Variants in DACH1 observed in about 807,000 individuals in gnomAD.
DACH1 encodes dachshund homolog 1.
DACH1 carries 12 observed loss-of-function variants against 54.2 expected under a neutral mutation model. The observed-to-expected ratio is 0.22, with a 90% confidence interval of 0.14 to 0.36. DACH1 has a LOEUF of 0.36. Ranked by LOEUF, DACH1 falls within the 10% of genes least tolerant of loss-of-function variation. The pLI, the probability that DACH1 is intolerant of heterozygous loss-of-function variation, is 1.00. For missense variants in DACH1, 805 were observed against 929.8 expected, an observed-to-expected ratio of 0.87 and a Z score of 1.75; for synonymous variants, 386 against 366.2, an observed-to-expected ratio of 1.05 and a Z score of -0.62.
intron 1 of DACH1, among the ~76,000 whole-genome samples, chr13:71,802,343 G>T (rs1887319982): frequency 1.3e-5 from 2 of 151,944 alleles, no homozygotes; most frequent in Admixed American, 1.3e-4. Context: ...GTGGCTAACT[G>T]GGTTTGTGAA....
chr13:71,478,381 T>C lies in DACH1; in HGVS notation c.1870+788A>G, dbSNP rs938610137. On this transcript the variant is annotated intron_variant, in intron 8 of 10. Coordinates refer to ENST00000613252, the MANE Select transcript of DACH1 (RefSeq NM_080759.6). ...AGTTTAAAGACAAAATAGAAACAAC[T>C]ATTTTTAAATGACCATTTCAAACAT... Among the ~76,000 whole-genome samples, 4 of 152,222 alleles carry C rather than the reference T, an allele frequency of 2.6e-5. No individual in the cohort carries two copies. The East Asian group carries it at 7.7e-4, about 29-fold the overall frequency.
intron 1 of DACH1, among the ~76,000 whole-genome samples, chr13:71,863,702 G>A (rs565073320): frequency 4.9e-4 from 74 of 151,924 alleles, no homozygotes; most frequent in African/African-American, 1.7e-3. Context: ...CAAAAATTCA[G>A]GGAATAAATC....
chr13:71,727,301 T>A (rs1413744349), intron 1 of DACH1, among the ~76,000 whole-genome samples: 5 of 152,004 alleles, frequency 3.3e-5, no homozygotes, highest in African/African-American at 1.2e-4. Context: ...CTGCCAACAT[T>A]TGAAATGAGG....
At chr13:71,591,121 C>A (rs1054983325) in intron 3 of DACH1, among the ~76,000 whole-genome samples, 2 of 151,938 alleles carry the variant, frequency 1.3e-5, no homozygotes, top group Non-Finnish European at 2.9e-5. Flanking sequence ...TCAAGTGATC[C>A]ACCTGCCTTA....
intron 6 of DACH1, among the ~76,000 whole-genome samples, chr13:71,517,631 A>T (rs896198666): frequency 6.6e-6 from 1 of 151,976 alleles, no homozygotes; most frequent in Non-Finnish European, 1.5e-5. Context: ...GGAAATAAGT[A>T]GTCCAATGTT....
chr13:71,792,479 G>T (rs867435668), intron 1 of DACH1, among the ~76,000 whole-genome samples: 8 of 151,912 alleles, frequency 5.3e-5, no homozygotes, highest in Non-Finnish European at 1.2e-4. Context: ...CAAAGTCAAA[G>T]GATACTTTTA....
intron 1 of DACH1, among the ~76,000 whole-genome samples, chr13:71,687,664 G>A (rs750384598): frequency 5.9e-5 from 9 of 152,052 alleles, no homozygotes; most frequent in Admixed American, 2.0e-4. Context: ...TTGGAGTGCC[G>A]TGATGTGATC....
chr13:71,484,168 G>A (rs530662864), intron 7 of DACH1, among the ~76,000 whole-genome samples: 2 of 148,630 alleles, frequency 1.3e-5, no homozygotes, highest in South Asian at 4.5e-4. Flanking sequence ...TCTTGTGTGT[G>A]TATGTGTTTT....
chr13:71,485,068 A>G (rs907109425), intron 7 of DACH1, among the ~76,000 whole-genome samples: 1 of 152,038 alleles, frequency 6.6e-6, no homozygotes, highest in African/African-American at 2.4e-5. Flanking sequence ...ATTTAAAAAA[A>G]AAAAAAGAAA....
chr13:71,659,613 T>A (rs940060555), intron 2 of DACH1, among the ~76,000 whole-genome samples: 1 of 152,126 alleles, frequency 6.6e-6, no homozygotes, highest in African/African-American at 2.4e-5. Context: ...GTTATAAAAA[T>A]CTTAAACCTG....
chr13:71,644,832 G>A (rs1376820014), intron 2 of DACH1, among the ~76,000 whole-genome samples: 1 of 152,160 alleles, frequency 6.6e-6, no homozygotes, highest in Non-Finnish European at 1.5e-5. Context: ...ACTAAGAAGT[G>A]CACTCTGCAC....
chr13:71,657,478 GTGACAGACTGAGACCC>G (rs1189194861), intron 2 of DACH1, among the ~76,000 whole-genome samples: 1 of 151,106 alleles, frequency 6.6e-6, no homozygotes, highest in African/African-American at 2.4e-5. Flanking sequence ...TCCAGTCTGG[GTGACAGACTGAGACCC>G]TGTCTCAAGA....
At chr13:71,553,122 T>C (rs113485406) in intron 6 of DACH1, among the ~76,000 whole-genome samples, 1 of 136,980 alleles carries the variant, frequency 7.3e-6, no homozygotes, top group Non-Finnish European at 1.6e-5. Context: ...CATATATCCA[T>C]ATATGTATAT....
intron 1 of DACH1, among the ~76,000 whole-genome samples, chr13:71,816,618 A>G (rs1247526693): frequency 2.2e-5 from 2 of 89,154 alleles, no homozygotes; most frequent in African/African-American, 3.7e-5. Context: ...ATATATATAC[A>G]CGTGTATATA....
intron 1 of DACH1, among the ~76,000 whole-genome samples, chr13:71,838,953 A>C (rs1888908944): frequency 6.6e-6 from 1 of 152,134 alleles, no homozygotes; most frequent in Non-Finnish European, 1.5e-5. Context: ...TATTTTTCAA[A>C]TTCCGGTACA....
At chr13:71,667,279 T>C (rs1462372377) in intron 2 of DACH1, among the ~76,000 whole-genome samples, 1 of 152,118 alleles carries the variant, frequency 6.6e-6, no homozygotes, top group Non-Finnish European at 1.5e-5. Flanking sequence ...TATTAATGCA[T>C]AGAAACTCCA....
At position 71,511,789 on chromosome 13, in the gene DACH1, A is replaced by T. The variant is rs530142720; in HGVS notation, c.1571-22641T>A. 3.3e-5 allele frequency among the ~76,000 whole-genome samples: 5 copies of T among 152,112 alleles called. No individual in the cohort carries two copies. In the East Asian group the frequency reaches 7.8e-4, roughly 24 times the overall value. Reference sequence around the variant, plus strand: ...TTATACATATGCCACTTAGCCTTTAACTAGATTTCCAACTGCCAGCAACTA... The same window carrying T: ...TTATACATATGCCACTTAGCCTTTATCTAGATTTCCAACTGCCAGCAACTA... On this transcript the variant is annotated intron_variant, in intron 6 of 10. Transcript: ENST00000613252.
intron 3 of DACH1, among the ~76,000 whole-genome samples, chr13:71,581,759 T>C (rs970315586): frequency 6.6e-6 from 1 of 152,200 alleles, no homozygotes; most frequent in Non-Finnish European, 1.5e-5. Flanking sequence ...ATGATGATGA[T>C]AGCATCTAGT....
chr13:71,469,984 C>T (rs1219133431), intron 10 of DACH1, among the ~76,000 whole-genome samples: 1 of 152,208 alleles, frequency 6.6e-6, no homozygotes, highest in African/African-American at 2.4e-5. Flanking sequence ...GCAAGCACAA[C>T]TTGCAGATAG....
Sources: allele counts gnomAD v4.1 joint callset (sites outside exome capture counted in the v4.1 genomes callset), GRCh38; gene constraint gnomAD v4.1.1; transcripts MANE v1.5; gene names NCBI Gene and HGNC (gene_info 2026-07-23, HGNC 2026-07-21).